Variants in SYT7 observed in about 807,000 individuals in gnomAD.
SYT7 encodes synaptotagmin 7.
Under a neutral mutation model 75.1 loss-of-function variants are expected in SYT7, and 29 were observed. The ratio of observed to expected loss-of-function variants is 0.39; its 90% CI spans 0.29 to 0.53. The LOEUF (loss-of-function observed/expected upper bound fraction) is 0.53, where lower values mean the gene tolerates loss of function less well. Ranked by LOEUF, SYT7 falls within the 20% of genes least tolerant of loss-of-function variation. The pLI is 0.77. For missense variants in SYT7, 693 were observed against 953.2 expected (o/e 0.73, Z 3.59); for synonymous variants, 376 against 401.7 (o/e 0.94, Z 0.76).
the SYT7 span, among the ~76,000 whole-genome samples, chr11:61,588,334 C>T: frequency 6.6e-6 from 1 of 152,206 alleles, no homozygotes; most frequent in Non-Finnish European, 1.5e-5. Flanking sequence ...CGCATTATCC[C>T]GCTTAATAGT....
intron 8 of SYT7, chr11:61,531,126 G>C: frequency 1.0e-6 from 1 of 985,434 alleles, no homozygotes; most frequent in Non-Finnish European, 1.2e-6. Context: ...GGTCACAGTG[G>C]GCTGATTCTG....
rs551032730 is a variant in SYT7 at position 61,546,938 on chromosome 11, C to T, written c.347+239G>A. ...CAGGTATGGCTGCCGAGGGGGCTCT[C>T]CTGCAAGGCTGGCCCTGGGGGAGGG... is the stretch of plus-strand genomic sequence containing the variant. On this transcript the variant is annotated intron_variant, in intron 4 of 12. Transcript: ENST00000539008. The surrounding 1 kb of genome is among the most constrained non-coding windows in gnomAD (Gnocchi z 7.6). 6.6e-6 allele frequency among the ~76,000 whole-genome samples: 1 copy of T among 152,174 alleles called. No homozygotes were observed. The highest frequency in any genetic ancestry group is 2.4e-5 in the African/African-American group (1 of 41,526).
At chr11:61,568,730 C>A (rs1412932794) in intron 1 of SYT7, among the ~76,000 whole-genome samples, 1 of 152,256 alleles carries the variant, frequency 6.6e-6, no homozygotes, top group Non-Finnish European at 1.5e-5. Flanking sequence ...CCCCACCATC[C>A]TCACCTCTTG....
In SYT7 at chr11:61,527,827, CTG is replaced by C. The variant is rs1247187861; in HGVS notation, c.1471+86_1471+87del. 6 of 1,502,524 alleles carry C rather than the reference CTG, an allele frequency of 4.0e-6. No homozygotes were observed. The East Asian group carries it at 9.0e-5, about 23-fold the overall frequency. 93.1% of individuals were successfully genotyped at this position (1,502,524 alleles called of 1,614,324 possible). On this transcript the variant is annotated intron_variant, in intron 9 of 12. Coordinates refer to ENST00000539008, the MANE Select transcript of SYT7 (RefSeq NM_001365809.2). The stretch of plus-strand genomic sequence containing the variant: ...TGCAGGTGTGTGTACACATATGTGT[CTG>C]TGCATGTGGCCACAAGTGTGGTTGG...
intron 8 of SYT7, among the ~76,000 whole-genome samples, chr11:61,530,307 TTCCCTCC>T (rs2062666359): frequency 6.6e-6 from 1 of 152,172 alleles, no homozygotes; most frequent in African/African-American, 2.4e-5. Context: ...GCAGAAGATG[TTCCCTCC>T]AGCCCCCACC....
chr11:61,550,146 C>T (rs2063307355), intron 3 of SYT7, among the ~76,000 whole-genome samples: 1 of 152,066 alleles, frequency 6.6e-6, no homozygotes, highest in African/African-American at 2.4e-5. Context: ...GCTTCAAAGT[C>T]TCCCACAGCC....
intron 7 of SYT7, among the ~76,000 whole-genome samples, chr11:61,534,335 G>A (rs886468794): frequency 6.6e-6 from 1 of 152,218 alleles, no homozygotes; most frequent in Non-Finnish European, 1.5e-5. Context: ...CCCTGGAGGG[G>A]AGACATCAGG....
At chr11:61,541,416 T>C in intron 6 of SYT7, 1 of 527,476 alleles carries the variant, frequency 1.9e-6, no homozygotes. Context: ...GGGAGGGGGC[T>C]TCCTGGGTGG....
Position 61,527,934 on chromosome 11 carries a change from G to A in SYT7, c.1452C>T (p.Asn484=), listed in dbSNP as rs376575654. The A allele has an allele frequency of 6.7e-5, 108 of 1,614,132 alleles. 1 individual carries two copies. Among genetic ancestry groups the A allele is most frequent in the East Asian group, 4.9e-4 (22 of 44,878 alleles). The change falls in exon 9 of 13, where the codon AAC becomes AAT. Residue 484 remains asparagine (N), a synonymous_variant. Transcript: ENST00000539008. The part of the protein sequence containing the change: ...VKRKNLNPHW[N]ETFLFEGFPY... ...ACTCACCTTCAAAGAGGAAGGTCTC[G>A]TTCCAGTGGGGGTTCAGGTTCTTCC...
upstream of SYT7, among the ~76,000 whole-genome samples, chr11:61,583,735 G>A (rs1475250280): frequency 6.6e-6 from 1 of 152,256 alleles, no homozygotes; most frequent in Non-Finnish European, 1.5e-5. Flanking sequence ...GTTCCAGGAT[G>A]TCAGAGCTGG....
chr11:61,558,469 C>CA (rs1243483179), intron 1 of SYT7, among the ~76,000 whole-genome samples: 6 of 146,876 alleles, frequency 4.1e-5, no homozygotes, highest in African/African-American at 1.0e-4. Flanking sequence ...GACTCTGTTT[C>CA]AAAAAAATAT....
chr11:61,564,840 C>T (rs937759418), intron 1 of SYT7, among the ~76,000 whole-genome samples: 3 of 152,210 alleles, frequency 2.0e-5, no homozygotes, highest in African/African-American at 4.8e-5. Context: ...CTGGCCCAGG[C>T]ATTGGCCTCA....
intron 1 of SYT7, among the ~76,000 whole-genome samples, chr11:61,577,693 G>C (rs568854754): frequency 6.8e-4 from 104 of 152,330 alleles, no homozygotes; most frequent in African/African-American, 2.4e-3. Context: ...CTAGTGGAGT[G>C]TCTGTAGGGA....
chr11:61,559,608 C>T (rs577375836), intron 1 of SYT7, among the ~76,000 whole-genome samples: 1 of 152,172 alleles, frequency 6.6e-6, no homozygotes, highest in South Asian at 2.1e-4. Context: ...CAGGTGGGCT[C>T]CTCTGCTCTG....
chr11:61,551,551 T>C lies in SYT7; in HGVS notation c.136-88A>G, dbSNP rs571976031. The C allele has an allele frequency of 6.6e-6, 9 of 1,365,966 alleles. No homozygotes were observed. The highest frequency in any genetic ancestry group is 1.7e-5 in the Admixed American group (1 of 57,526). The allele number at this position is 1,365,966 out of a possible 1,614,324, so 84.6% of individuals were successfully genotyped here. A position where few individuals can be genotyped will look rare whatever the true frequency, so the allele number is the denominator to read the frequency against. The stretch of plus-strand genomic sequence containing the variant: ...AACAGGGACCCGGAGGGGAAGGAGA[T>C]AGACTGGAGTCGGGCCGTGGCAACA... On this transcript the variant is annotated intron_variant, in intron 2 of 12. Coordinates refer to ENST00000539008, the MANE Select transcript of SYT7 (RefSeq NM_001365809.2). The surrounding 1 kb of genome is among the most constrained non-coding windows in gnomAD (Gnocchi z 5.3).
intron 1 of SYT7, among the ~76,000 whole-genome samples, chr11:61,572,120 G>A (rs865950354): frequency 5.3e-5 from 8 of 152,196 alleles, no homozygotes; most frequent in African/African-American, 1.9e-4. Flanking sequence ...TGAGGTTGGG[G>A]GGGGGGCACA....
At chr11:61,529,491 G>A (rs1055919189) in intron 8 of SYT7, among the ~76,000 whole-genome samples, 5 of 152,138 alleles carry the variant, frequency 3.3e-5, no homozygotes, top group African/African-American at 1.2e-4. Context: ...AAGGCTGACG[G>A]CAGTAGGAAC....
chr11:61,550,320 C>T (rs1337313179), intron 3 of SYT7, among the ~76,000 whole-genome samples: 5 of 142,348 alleles, frequency 3.5e-5, no homozygotes, highest in East Asian at 4.6e-4. Flanking sequence ...CCCTCAGGAG[C>T]GGGGTGGAGG....
chr11:61,547,348 C>T (rs1449432455), intron 3 of SYT7, 40 bp from the exon 4 acceptor site: 3 of 1,531,678 alleles, frequency 2.0e-6, no homozygotes, highest in Non-Finnish European at 2.6e-6. Context: ...CAGGGAGATA[C>T]AAGAAGAAAC....
Sources: allele counts gnomAD v4.1 joint callset (sites outside exome capture counted in the v4.1 genomes callset), GRCh38; gene constraint gnomAD v4.1.1; non-coding constraint Gnocchi (gnomAD v3.1); transcripts MANE v1.5; gene names NCBI Gene and HGNC (gene_info 2026-07-23, HGNC 2026-07-21).